The following STXBP5L variants were observed in gnomAD, a reference collection of about 807,000 sequenced individuals.
STXBP5L encodes the protein syntaxin binding protein 5L.
Under a neutral mutation model 144.5 loss-of-function variants are expected in STXBP5L, and 65 were observed. The ratio of observed to expected loss-of-function variants is 0.45; its 90% CI spans 0.37 to 0.55. The LOEUF (loss-of-function observed/expected upper bound fraction) is 0.55, where lower values mean the gene tolerates loss of function less well. Among genes scored for constraint, STXBP5L ranks in the 20% least tolerant of loss-of-function variants. The pLI is 0.00. For synonymous variants in STXBP5L, 505 were observed against 469.6 expected (o/e 1.08, Z -0.97); for missense variants, 1,298 against 1,405.5 (o/e 0.92, Z 1.22).
intron 3 of STXBP5L, among the ~76,000 whole-genome samples, chr3:120,993,248 T>G (rs755318326): frequency 6.6e-5 from 10 of 152,124 alleles, no homozygotes; most frequent in Non-Finnish European, 4.4e-5. Flanking sequence ...TATGTTCTCT[T>G]ATTGAACAGG....
Position 121,407,418 on chromosome 3 carries a change from A to G in STXBP5L, c.2763A>G (p.Gly921=). The change falls in exon 23 of 27, where the codon GGA becomes GGG. Residue 921 remains glycine (G), a synonymous_variant. Transcript: ENST00000471454. The part of the protein sequence containing the change: ...MNSSSASQEI[G]DHQYTIICSE... ...CATCTTCTGCATCCCAAGAAATAGGAGATCATCAGTATACAATAATCTGCT... is the reference window on the plus strand; with the variant it reads ...CATCTTCTGCATCCCAAGAAATAGGGGATCATCAGTATACAATAATCTGCT... 2 of 1,613,180 alleles carry G rather than the reference A, an allele frequency of 1.2e-6. No individual in the cohort carries two copies. The highest frequency in any genetic ancestry group is 1.3e-5 in the African/African-American group (1 of 75,000).
chr3:121,398,371 C>T (rs200434993), intron 22 of STXBP5L, among the ~76,000 whole-genome samples: 12 of 152,280 alleles, frequency 7.9e-5, no homozygotes, highest in African/African-American at 2.2e-4. Context: ...GCGGCACTAC[C>T]GGCTGTGGTG....
chr3:121,383,653 G>A (rs1474149805), intron 22 of STXBP5L, among the ~76,000 whole-genome samples: 1 of 152,046 alleles, frequency 6.6e-6, no homozygotes, highest in Non-Finnish European at 1.5e-5. Context: ...GTCTACTTGG[G>A]AGCCATAATT....
At chr3:120,979,890 T>G (rs78330161) in intron 3 of STXBP5L, among the ~76,000 whole-genome samples, 15,103 of 152,226 alleles carry the variant, frequency 0.099, 1,180 homozygotes, top group Admixed American at 0.2. Flanking sequence ...GCATTTCTTT[T>G]GCTGTATCCT....
chr3:121,305,662 C>T (rs940805070), intron 19 of STXBP5L, among the ~76,000 whole-genome samples: 10 of 151,714 alleles, frequency 6.6e-5, no homozygotes, highest in African/African-American at 1.7e-4. Context: ...TAGAATAAAC[C>T]GTACTAAGAA....
In STXBP5L at chr3:121,030,844, C is replaced by G. The variant is rs149759194; in HGVS notation, c.288-10856C>G. Among the ~76,000 whole-genome samples the G allele has an allele frequency of 1.8e-3, 272 of 151,946 alleles. 6 individuals are homozygous for G. In the East Asian group the frequency reaches 0.048, roughly 27 times the overall value. On this transcript the variant is annotated intron_variant, in intron 3 of 26. Coordinates refer to ENST00000471454, the MANE Select transcript of STXBP5L (RefSeq NM_001308330.2). ...TAGGAAAATTCAATGGCTTTTTAAA[C>G]CTGATCAATTAAAGCAATAGCTCCC...
intron 2 of STXBP5L, among the ~76,000 whole-genome samples, chr3:120,941,495 T>A (rs1263028206): frequency 1.3e-5 from 2 of 151,588 alleles, no homozygotes; most frequent in South Asian, 2.1e-4. Flanking sequence ...ACTGTACTTT[T>A]AAAAAAAATT....
At chr3:121,173,746 A>T (rs1005148692) in intron 9 of STXBP5L, among the ~76,000 whole-genome samples, 1 of 152,124 alleles carries the variant, frequency 6.6e-6, no homozygotes, top group South Asian at 2.1e-4. Context: ...AGTTTGTGTT[A>T]TCTCTTTACA....
intron 3 of STXBP5L, among the ~76,000 whole-genome samples, chr3:120,966,706 G>A (rs960766162): frequency 1.3e-5 from 2 of 152,112 alleles, no homozygotes; most frequent in Non-Finnish European, 2.9e-5. Flanking sequence ...TCTATATGAG[G>A]TGTTGGCCCC....
intron 20 of STXBP5L, among the ~76,000 whole-genome samples, chr3:121,371,839 C>G (rs1452561866): frequency 1.3e-5 from 2 of 152,222 alleles, no homozygotes; most frequent in Non-Finnish European, 2.9e-5. Context: ...GGGGCACAGG[C>G]AGGGCAGGGC....
chr3:121,323,766 C>A (rs546590525), intron 20 of STXBP5L, among the ~76,000 whole-genome samples: 166 of 151,344 alleles, frequency 1.1e-3, no homozygotes, highest in African/African-American at 3.9e-3. Context: ...TTTTTTCTCA[C>A]CAACTTGTAC....
chr3:121,350,396 T>C (rs2045224796), intron 20 of STXBP5L, among the ~76,000 whole-genome samples: 1 of 152,170 alleles, frequency 6.6e-6, no homozygotes, highest in Non-Finnish European at 1.5e-5. Flanking sequence ...TTAACATTTT[T>C]TCCTTCATTT....
At chr3:121,143,526 A>T (rs73191411) in intron 7 of STXBP5L, among the ~76,000 whole-genome samples, 5,390 of 151,934 alleles carry the variant, frequency 0.035, 143 homozygotes, top group Middle Eastern at 0.082. Context: ...GATTCAACAC[A>T]TAATAATAAC....
chr3:120,994,978 A>AT (rs140332305), intron 3 of STXBP5L, among the ~76,000 whole-genome samples: 6,047 of 151,132 alleles, frequency 0.04, 169 homozygotes, highest in Middle Eastern at 0.083. Flanking sequence ...CAGGTTTTCT[A>AT]TTTTTTTTCC....
chr3:120,949,946 T>C (rs1191704583), intron 2 of STXBP5L, among the ~76,000 whole-genome samples: 1 of 152,036 alleles, frequency 6.6e-6, no homozygotes. Context: ...ATGTCTGTTT[T>C]TTGTTTCATT....
chr3:121,122,890 A>G (rs1286042690), intron 7 of STXBP5L, among the ~76,000 whole-genome samples: 8 of 151,550 alleles, frequency 5.3e-5, no homozygotes, highest in Admixed American at 5.3e-4. Flanking sequence ...TATTTCCTAC[A>G]TGTCAAAAAT....
chr3:121,226,979 T>C (rs2049141533), intron 11 of STXBP5L, among the ~76,000 whole-genome samples: 1 of 152,184 alleles, frequency 6.6e-6, no homozygotes, highest in Non-Finnish European at 1.5e-5. Flanking sequence ...TTTTTACATA[T>C]AACATTTCAG....
chr3:121,185,494 C>A (rs1470978273), intron 9 of STXBP5L, among the ~76,000 whole-genome samples: 3 of 152,180 alleles, frequency 2.0e-5, no homozygotes, highest in Non-Finnish European at 4.4e-5. Context: ...AGTAAGGGAT[C>A]CAGTTTCAGC....
At chr3:120,966,335 T>G (rs1471164314) in intron 3 of STXBP5L, among the ~76,000 whole-genome samples, 1 of 152,220 alleles carries the variant, frequency 6.6e-6, no homozygotes, top group Non-Finnish European at 1.5e-5. Context: ...GGCGAGGAGC[T>G]GTGATCCTTT....
Sources: allele counts gnomAD v4.1 joint callset (sites outside exome capture counted in the v4.1 genomes callset), GRCh38; gene constraint gnomAD v4.1.1; transcripts MANE v1.5; gene names NCBI Gene and HGNC (gene_info 2026-07-23, HGNC 2026-07-21).